VWA3B: variants seen among roughly 807,000 people sequenced by gnomAD.
The protein encoded by VWA3B is von Willebrand factor A domain-containing protein 3B.
VWA3B carries 138 observed loss-of-function variants against 158.3 expected under a neutral mutation model. The ratio of observed to expected loss-of-function variants is 0.87; its 90% CI spans 0.76 to 1.00. VWA3B has a LOEUF of 1.00. Among genes scored for constraint, VWA3B ranks in the 50% least tolerant of loss-of-function variants. The probability of loss-of-function intolerance (pLI) is 0.00; values close to 1 mark genes in which losing one functional copy is unlikely to be tolerated. For synonymous variants in VWA3B, 596 were observed against 587.3 expected (o/e 1.01, Z -0.21); for missense variants, 1,555 against 1,565.1 (o/e 0.99, Z 0.11).
At chr2:98,326,571 G>A in the VWA3B span, among the ~76,000 whole-genome samples, 1 of 151,900 alleles carries the variant, frequency 6.6e-6, no homozygotes, top group African/African-American at 2.4e-5. Context: ...GACCAGCCTG[G>A]GAAACATAGT....
At chr2:98,122,972 T>G (rs1308103145) in intron 5 of VWA3B, among the ~76,000 whole-genome samples, 1 of 152,180 alleles carries the variant, frequency 6.6e-6, no homozygotes, top group Non-Finnish European at 1.5e-5. Context: ...GCTGTGCCCC[T>G]CTGCCCACAG....
the VWA3B span, among the ~76,000 whole-genome samples, chr2:98,327,928 G>A: frequency 1.3e-5 from 2 of 152,196 alleles, no homozygotes; most frequent in African/African-American, 4.8e-5. Flanking sequence ...CCCTGACATT[G>A]TAAGCCCTGA....
chr2:98,238,563 G>A (rs1685861908), intron 19 of VWA3B, among the ~76,000 whole-genome samples: 1 of 152,022 alleles, frequency 6.6e-6, no homozygotes, highest in Admixed American at 6.6e-5. Flanking sequence ...GAGGTAGAGT[G>A]AAAAGTAAAT....
chr2:98,092,814 T>TG (rs1682417369), intron 1 of VWA3B, among the ~76,000 whole-genome samples: 1 of 84,964 alleles, frequency 1.2e-5, no homozygotes, highest in African/African-American at 4.4e-5. Flanking sequence ...CTAGATGTTT[T>TG]TGTATATATA....
At chr2:98,259,024 A>G (rs1453962081) in intron 21 of VWA3B, among the ~76,000 whole-genome samples, 1 of 151,750 alleles carries the variant, frequency 6.6e-6, no homozygotes, top group Non-Finnish European at 1.5e-5. Flanking sequence ...TATTGAAATG[A>G]TCATGGATTT....
At chr2:98,225,261 G>A (rs1684832105) in intron 14 of VWA3B, among the ~76,000 whole-genome samples, 2 of 152,112 alleles carry the variant, frequency 1.3e-5, no homozygotes, top group Admixed American at 6.5e-5. Flanking sequence ...GGAAATATTT[G>A]TTCATTTGTT....
At chr2:98,327,754 T>C in the VWA3B span, among the ~76,000 whole-genome samples, 98 of 152,350 alleles carry the variant, frequency 6.4e-4, 3 homozygotes, top group East Asian at 0.019. Flanking sequence ...ATGAGACCTG[T>C]TAGCTCAAAG....
rs181062947 is a variant in VWA3B, at chr2:98,215,305, G to A, written c.1837-2541G>A. 2.6e-3 allele frequency among the ~76,000 whole-genome samples: 397 copies of A among 151,154 alleles called. 1 individual carries two copies. The highest frequency in any genetic ancestry group is 0.017 in the Middle Eastern group (5 of 292). ...AAAATACAAAAATTAGCTGGGCCTG[G>A]TGGCGTGCGCCTGTAGTCCCAGCTG... On this transcript the variant is annotated intron_variant, in intron 13 of 27. Transcript: ENST00000477737.
chr2:98,094,396 AT>A (rs1241147225), intron 2 of VWA3B, among the ~76,000 whole-genome samples: 1 of 151,892 alleles, frequency 6.6e-6, no homozygotes, highest in Non-Finnish European at 1.5e-5. Flanking sequence ...AATATTGAGC[AT>A]TTTTTTCATA....
At chr2:98,195,428 A>T (rs941702543) in intron 12 of VWA3B, among the ~76,000 whole-genome samples, 2 of 152,210 alleles carry the variant, frequency 1.3e-5, no homozygotes, top group African/African-American at 4.8e-5. Context: ...TGTTTTTAAA[A>T]CTGGGAGGCG....
At chr2:98,283,945 T>G (rs1034715017) in intron 22 of VWA3B, among the ~76,000 whole-genome samples, 3 of 152,228 alleles carry the variant, frequency 2.0e-5, no homozygotes, top group African/African-American at 7.2e-5. Context: ...TAGGCCATTT[T>G]GAACCTTGCA....
chr2:98,170,054 G>A (rs1419890511), intron 8 of VWA3B, among the ~76,000 whole-genome samples: 1 of 152,084 alleles, frequency 6.6e-6, no homozygotes, highest in Non-Finnish European at 1.5e-5. Flanking sequence ...TGAGAAGTGG[G>A]GAGTCGAGGT....
At chr2:98,138,610 A>G (rs1676473507) in intron 7 of VWA3B, among the ~76,000 whole-genome samples, 1 of 152,170 alleles carries the variant, frequency 6.6e-6, no homozygotes, top group African/African-American at 2.4e-5. Flanking sequence ...GGTCTCCACC[A>G]TCTGCACCTC....
chr2:98,316,855 C>T (rs561777380), downstream of VWA3B, among the ~76,000 whole-genome samples: 5 of 152,230 alleles, frequency 3.3e-5, no homozygotes, highest in South Asian at 1.0e-3. Flanking sequence ...CTTGTAAGTA[C>T]TGGCTCCTTC....
At chr2:98,284,856 G>A (rs1689073226) in intron 22 of VWA3B, among the ~76,000 whole-genome samples, 1 of 152,138 alleles carries the variant, frequency 6.6e-6, no homozygotes. Flanking sequence ...ATCTAGGATG[G>A]AAAATCCCCA....
chr2:98,160,381 C>G (rs180853706), intron 7 of VWA3B, among the ~76,000 whole-genome samples: 1 of 152,198 alleles, frequency 6.6e-6, no homozygotes, highest in Admixed American at 6.5e-5. Context: ...ACTTGTGTTG[C>G]TCTCTGATCA....
intron 10 of VWA3B, among the ~76,000 whole-genome samples, chr2:98,190,106 G>T (rs1681447642): frequency 6.6e-6 from 1 of 151,862 alleles, no homozygotes. Flanking sequence ...TTTGTTTTCT[G>T]TTCCCTTTTT....
At chr2:98,153,778 C>T (rs1677831378) in intron 7 of VWA3B, among the ~76,000 whole-genome samples, 1 of 152,212 alleles carries the variant, frequency 6.6e-6, no homozygotes, top group Non-Finnish European at 1.5e-5. Flanking sequence ...AAATTGTTGC[C>T]ACGTTGCAAC....
At chr2:98,128,106 C>T in intron 5 of VWA3B, 133 bp from the exon 6 acceptor site, 1 of 1,103,062 alleles carries the variant, frequency 9.1e-7, no homozygotes. Context: ...CCTCAGAAAA[C>T]CCTGGGCAGG....
Sources: allele counts gnomAD v4.1 joint callset (sites outside exome capture counted in the v4.1 genomes callset), GRCh38; gene constraint gnomAD v4.1.1; transcripts MANE v1.5; gene names NCBI Gene and HGNC (gene_info 2026-07-23, HGNC 2026-07-21).